CIP2A: variants seen among roughly 807,000 people sequenced by gnomAD.
CIP2A encodes the protein cellular inhibitor of PP2A.
CIP2A carries 103 observed loss-of-function variants against 110.9 expected under a neutral mutation model. The observed-to-expected ratio is 0.93, with a 90% confidence interval of 0.79 to 1.09. CIP2A has a LOEUF of 1.09. Ranked by LOEUF, CIP2A falls within the 50% of genes least tolerant of loss-of-function variation. CIP2A has a pLI of 0.00. For synonymous variants in CIP2A, 381 were observed against 361.6 expected, an observed-to-expected ratio of 1.05 and a Z score of -0.61; for missense variants, 1,088 against 1,038.4, an observed-to-expected ratio of 1.05 and a Z score of -0.66.
In CIP2A at chr3:108,568,297, A is replaced by G. The variant is rs200830182; in HGVS notation, c.1131T>C (p.Ala377=). The G allele has an allele frequency of 2.8e-4, 456 of 1,611,812 alleles. No individual in the cohort carries two copies. The highest frequency in any genetic ancestry group is 3.7e-4 in the Non-Finnish European group (432 of 1,178,528). ...KEIFEDVIDA[A]NCSSADRFVT... is the part of the protein sequence containing the mutation. ...CAAAACGATCAGCCGAGGAACAGTT[A>G]GCAGCATCTATGACATCCTGGAGAA... The change falls in exon 10 of 21, where the codon GCT becomes GCC. Residue 377 remains alanine, a synonymous_variant. Coordinates refer to ENST00000295746, the MANE Select transcript of CIP2A (RefSeq NM_020890.3).
rs867442375 is a variant in CIP2A at position 108,557,344 on chromosome 3, G to A, written c.2084C>T (p.Ala695Val). The A allele has an allele frequency of 5.8e-5, 93 of 1,610,792 alleles. No individual in the cohort carries two copies. Among genetic ancestry groups the A allele is most frequent in the Non-Finnish European group, 7.2e-5 (85 of 1,178,090 alleles). The change falls in exon 17 of 21, where the codon GCG becomes GTG. Residue 695 changes from alanine (A) to valine (V), a missense_variant. By Grantham distance (64) the Ala-to-Val change is moderately conservative (BLOSUM62 0). Coordinates refer to ENST00000295746, the MANE Select transcript of CIP2A (RefSeq NM_020890.3). ...KNEELSVLLK[A>V]QQVESERAQS... Reference sequence around the variant, plus strand: ...CGCTCTTTCTGATTCAACTTGCTGCGCCTTCAGCAACACACTAAGCTCTTC... The same window carrying A: ...CGCTCTTTCTGATTCAACTTGCTGCACCTTCAGCAACACACTAAGCTCTTC...
chr3:108,553,569 A>AAAAAGC, intron 19 of CIP2A, 79 bp downstream of exon 19: 1 of 1,262,324 alleles, frequency 7.9e-7, no homozygotes, highest in South Asian at 1.4e-5. Context: ...GTAGAAAATA[A>AAAAAGC]AAAAGCAAAC....
chr3:108,562,159 G>C (rs1938026237), intron 13 of CIP2A, among the ~76,000 whole-genome samples: 1 of 152,186 alleles, frequency 6.6e-6, no homozygotes. Flanking sequence ...CTTAAGGTAT[G>C]ATGACCTAAA....
At chr3:108,579,452 A>T in intron 6 of CIP2A, 26 bp from the exon 7 acceptor site, 1 of 1,583,268 alleles carries the variant, frequency 6.3e-7, no homozygotes, top group Non-Finnish European at 8.6e-7. Flanking sequence ...GAAAAAGCAT[A>T]TTAGACAAAA....
intron 16 of CIP2A, among the ~76,000 whole-genome samples, chr3:108,559,301 G>A (rs912633871): frequency 5.3e-5 from 8 of 152,092 alleles, no homozygotes; most frequent in African/African-American, 1.9e-4. Context: ...GAATACATAA[G>A]AATAATTTTA....
rs2083893808 is a variant in CIP2A at position 108,551,266 on chromosome 3, T to C, written c.2601A>G (p.Lys867=). 6.2e-7 allele frequency: 1 copy of C among 1,612,550 alleles called. No homozygotes were observed. Among genetic ancestry groups the C allele is most frequent in the Non-Finnish European group, 8.5e-7 (1 of 1,179,054 alleles). The change falls in exon 21 of 21, where the codon AAA becomes AAG. Residue 867 remains lysine (K), a synonymous_variant. Transcript: ENST00000295746. ...KAQLEGRLEE[K]ESLVKLQQEE... is the part of the protein sequence containing the mutation. The stretch of plus-strand genomic sequence containing the variant: ...CTTGCTGAAGTTTCACCAAGGACTC[T>C]TTCTCTTCCAAACGACCTTCTAATT...
In CIP2A at chr3:108,553,652, T is replaced by C; in HGVS notation, c.2403A>G (p.Leu801=). The change falls in exon 19 of 21, where the codon CTA becomes CTG. Residue 801 remains leucine (L), a synonymous_variant. Coordinates refer to ENST00000295746, the MANE Select transcript of CIP2A (RefSeq NM_020890.3). ...QNQLVDREHK[L]ANLHQKTKVQ... ...ATTAAATAAGAAGCCACTTACTTGCTAGCTTATGTTCTCTGTCTACTAGCT... is the reference window on the plus strand; with the variant it reads ...ATTAAATAAGAAGCCACTTACTTGCCAGCTTATGTTCTCTGTCTACTAGCT... The C allele has an allele frequency of 6.4e-7, 1 of 1,554,812 alleles. No homozygotes were observed. The highest frequency in any genetic ancestry group is 8.8e-7 in the Non-Finnish European group (1 of 1,131,652).
intron 3 of CIP2A, 105 bp from the exon 4 acceptor site, chr3:108,582,307 A>C (rs756503535): frequency 4.3e-6 from 2 of 466,886 alleles, no homozygotes; most frequent in Non-Finnish European, 7.6e-6. Context: ...CCATTTCCTA[A>C]AACAATTTTT....
At chr3:108,583,146 T>C (rs1938936846) in intron 2 of CIP2A, 63 bp from the exon 3 acceptor site, 3 of 833,838 alleles carry the variant, frequency 3.6e-6, no homozygotes, top group Non-Finnish European at 3.6e-6. Flanking sequence ...AGATAATTCA[T>C]ACAGAATTTA....
intron 20 of CIP2A, 123 bp downstream of exon 20, chr3:108,552,111 T>C (rs536841356): frequency 3.0e-6 from 2 of 659,468 alleles, no homozygotes; most frequent in African/African-American, 1.9e-5. Context: ...TCAAGCTGCT[T>C]TGAGATCCTA....
intron 1 of CIP2A, chr3:108,585,627 TA>T: frequency 4.4e-6 from 2 of 454,432 alleles, no homozygotes; most frequent in Non-Finnish European, 8.8e-6. Flanking sequence ...AGTACCAATA[TA>T]TTTACTATGC....
At chr3:108,576,180 A>G in intron 8 of CIP2A, 91 bp downstream of exon 8, 2 of 701,378 alleles carry the variant, frequency 2.9e-6, no homozygotes, top group Non-Finnish European at 4.8e-6. Flanking sequence ...AAATCTGTGC[A>G]TTTGGATTTT....
At chr3:108,581,363 G>A (rs1401202604) in intron 5 of CIP2A, 52 bp downstream of exon 5, 6 of 1,241,452 alleles carry the variant, frequency 4.8e-6, no homozygotes, top group Non-Finnish European at 7.0e-6. Flanking sequence ...TTTTCTTTAA[G>A]CAGAGAATCT....
chr3:108,580,118 G>T (rs190204880), intron 5 of CIP2A, among the ~76,000 whole-genome samples: 1 of 152,238 alleles, frequency 6.6e-6, no homozygotes, highest in East Asian at 1.9e-4. Context: ...GTTAACAAAA[G>T]AACTGTAATG....
At position 108,585,165 on chromosome 3, in the gene CIP2A, T is replaced by C; in HGVS notation, c.150A>G (p.Ile50Met). 6.2e-7 allele frequency: 1 copy of C among 1,613,264 alleles called. No homozygotes were observed. The highest frequency in any genetic ancestry group is 8.5e-7 in the Non-Finnish European group (1 of 1,179,360). Residue 50 changes from isoleucine (I) to methionine (M), a missense_variant, in exon 2 of 21, where the codon ATA becomes ATG. Physicochemically the swap from Ile to Met is conservative, Grantham distance 10 (BLOSUM62 1). Transcript: ENST00000295746. ...GGCAACTCAAGCATTCACTTGTTAA[T>C]ATCTGATTTGATGTAAATAGTCGTG... ...KLTRLFTSNQILTSECLSCLV... is the reference protein window; with the variant it reads ...KLTRLFTSNQMLTSECLSCLV...
At chr3:108,570,827 C>A (rs1038029663) in intron 8 of CIP2A, among the ~76,000 whole-genome samples, 3 of 152,090 alleles carry the variant, frequency 2.0e-5, no homozygotes, top group African/African-American at 7.2e-5. Flanking sequence ...AATAAATTAA[C>A]CTTAGCTTAG....
At chr3:108,580,190 C>T (rs563814960) in intron 5 of CIP2A, among the ~76,000 whole-genome samples, 50 of 152,232 alleles carry the variant, frequency 3.3e-4, no homozygotes, top group African/African-American at 1.1e-3. Context: ...ATTTGTTTTA[C>T]GTTACACACC....
chr3:108,587,391 TTTA>T (rs146275618), intron 1 of CIP2A, among the ~76,000 whole-genome samples: 210 of 151,972 alleles, frequency 1.4e-3, no homozygotes, highest in African/African-American at 5.0e-3. Flanking sequence ...TTTCACAGAT[TTTA>T]TTGAGTGGAA....
chr3:108,568,100 G>GAA (rs11386134), intron 10 of CIP2A, 55 bp downstream of exon 10: 346 of 1,342,658 alleles, frequency 2.6e-4, no homozygotes, highest in Non-Finnish European at 2.8e-4. Flanking sequence ...TGCAATACTA[G>GAA]AAAAAAAAGA....
Sources: allele counts gnomAD v4.1 joint callset (sites outside exome capture counted in the v4.1 genomes callset), GRCh38; gene constraint gnomAD v4.1.1; transcripts MANE v1.5; gene names NCBI Gene and HGNC (gene_info 2026-07-23, HGNC 2026-07-21).